FHIT: variants seen among roughly 807,000 people sequenced by gnomAD.
FHIT encodes fragile histidine triad diadenosine triphosphatase.
A neutral mutation model predicts 17.9 loss-of-function variants in FHIT; 19 were observed. The ratio of observed to expected loss-of-function variants is 1.06; its 90% CI spans 0.74 to 1.56. The LOEUF is 1.56. FHIT is among the 40% of genes most tolerant of loss of function. The probability of loss-of-function intolerance (pLI) is 0.00; values close to 1 mark genes in which losing one functional copy is unlikely to be tolerated. For synonymous variants in FHIT, 81 were observed against 69.7 expected, an observed-to-expected ratio of 1.16 and a Z score of -0.81; for missense variants, 248 against 189.2, an observed-to-expected ratio of 1.31 and a Z score of -1.82.
At chr3:61,214,750 T>A (rs371426445) in intron 1 of FHIT, among the ~76,000 whole-genome samples, 5 of 151,940 alleles carry the variant, frequency 3.3e-5, no homozygotes, top group Admixed American at 6.6e-5. Context: ...TTGATGCAAA[T>A]ATCCTCAATA....
At chr3:60,155,756 G>A (rs192577578) in intron 5 of FHIT, among the ~76,000 whole-genome samples, 2 of 152,144 alleles carry the variant, frequency 1.3e-5, no homozygotes, top group Admixed American at 6.5e-5. Flanking sequence ...AGCTTTGTTT[G>A]CTGTTTGTGA....
chr3:60,909,404 G>A (rs1011461730), intron 3 of FHIT, among the ~76,000 whole-genome samples: 29 of 150,862 alleles, frequency 1.9e-4, no homozygotes, highest in Non-Finnish European at 3.5e-4. Flanking sequence ...AATCTTAAAT[G>A]GATGGCAGCT....
chr3:60,183,048 T>A (rs1702009335), intron 5 of FHIT, among the ~76,000 whole-genome samples: 1 of 152,120 alleles, frequency 6.6e-6, no homozygotes, highest in Non-Finnish European at 1.5e-5. Context: ...CTCTCTGACA[T>A]CTTCTGAATA....
intron 4 of FHIT, among the ~76,000 whole-genome samples, chr3:60,744,246 T>TAAAAAAAAAAAAA (rs368982395): frequency 3.2e-5 from 1 of 30,932 alleles, no homozygotes; most frequent in African/African-American, 1.9e-4. Context: ...GGAAGTAATG[T>TAAAAAAAAAAAAA]AAAAAAAAAA....
chr3:60,499,592 C>T (rs1186479763), intron 5 of FHIT, among the ~76,000 whole-genome samples: 1 of 152,072 alleles, frequency 6.6e-6, no homozygotes, highest in African/African-American at 2.4e-5. Context: ...GGGGTTTCAC[C>T]GTGGCCTTGA....
intron 8 of FHIT, among the ~76,000 whole-genome samples, chr3:59,881,844 A>T (rs893053379): frequency 4.6e-5 from 7 of 152,210 alleles, no homozygotes; most frequent in Non-Finnish European, 8.8e-5. Context: ...AATTGAAATA[A>T]GATAAACCTG....
At chr3:60,968,817 T>C (rs1015525897) in intron 3 of FHIT, among the ~76,000 whole-genome samples, 4 of 152,228 alleles carry the variant, frequency 2.6e-5, no homozygotes, top group African/African-American at 9.6e-5. Flanking sequence ...TTTCCCCTTA[T>C]CTATTGAGAT....
chr3:60,547,648 A>G (rs1340548124), intron 4 of FHIT, among the ~76,000 whole-genome samples: 1 of 152,142 alleles, frequency 6.6e-6, no homozygotes, highest in Non-Finnish European at 1.5e-5. Context: ...TACCTCCTAT[A>G]AACTACCTTT....
intron 5 of FHIT, among the ~76,000 whole-genome samples, chr3:60,338,421 A>T (rs563171636): frequency 4.0e-4 from 61 of 152,282 alleles, no homozygotes; most frequent in Admixed American, 7.8e-4. Context: ...ACTCGAGTGC[A>T]GCGGCATGAT....
intron 4 of FHIT, among the ~76,000 whole-genome samples, chr3:60,564,698 C>A (rs1490518895): frequency 6.6e-6 from 1 of 152,094 alleles, no homozygotes; most frequent in Non-Finnish European, 1.5e-5. Flanking sequence ...GACTGTATTG[C>A]TGTAATCTCA....
intron 2 of FHIT, among the ~76,000 whole-genome samples, chr3:61,157,526 T>G (rs1418480756): frequency 6.6e-6 from 1 of 152,092 alleles, no homozygotes; most frequent in Non-Finnish European, 1.5e-5. Context: ...AGCATCTTAG[T>G]AAAGGGGAAT....
At chr3:60,380,004 G>A (rs1341256695) in intron 5 of FHIT, among the ~76,000 whole-genome samples, 2 of 152,128 alleles carry the variant, frequency 1.3e-5, no homozygotes, top group Non-Finnish European at 1.5e-5. Flanking sequence ...TAGACAGGAG[G>A]TTATGTGATC....
chr3:60,560,900 A>G (rs1324576295), intron 4 of FHIT, among the ~76,000 whole-genome samples: 1 of 150,096 alleles, frequency 6.7e-6, no homozygotes, highest in Non-Finnish European at 1.5e-5. Context: ...GGAAGTGAGT[A>G]GGAAGGGACA....
chr3:60,353,998 G>A (rs1299543692), intron 5 of FHIT, among the ~76,000 whole-genome samples: 4 of 152,016 alleles, frequency 2.6e-5, no homozygotes, highest in Admixed American at 2.6e-4. Flanking sequence ...AAGAAGAGAT[G>A]GCCAGAGACT....
At chr3:61,192,071 G>T (rs2038733795) in intron 2 of FHIT, among the ~76,000 whole-genome samples, 1 of 152,090 alleles carries the variant, frequency 6.6e-6, no homozygotes, top group Non-Finnish European at 1.5e-5. Flanking sequence ...TGCCATGTCT[G>T]CCTGTAGCTC....
chr3:60,310,389 C>A (rs188687053), intron 5 of FHIT, among the ~76,000 whole-genome samples: 10 of 152,158 alleles, frequency 6.6e-5, no homozygotes, highest in Non-Finnish European at 1.0e-4. Context: ...AGAAGTAGAA[C>A]AAGAATTGGG....
chr3:60,801,618 T>C (rs1157766896), intron 4 of FHIT, among the ~76,000 whole-genome samples: 1 of 152,232 alleles, frequency 6.6e-6, no homozygotes, highest in Non-Finnish European at 1.5e-5. Flanking sequence ...CATGTGACCT[T>C]ACAGACCAAG....
intron 8 of FHIT, among the ~76,000 whole-genome samples, chr3:59,774,392 T>C (rs972795): frequency 0.37 from 55,664 of 152,106 alleles, 10,664 homozygotes; most frequent in South Asian, 0.59. Context: ...ACTGGACCGA[T>C]TGACTTAAAA....
chr3:60,979,619 C>T (rs1400450732), intron 3 of FHIT, among the ~76,000 whole-genome samples: 21 of 152,144 alleles, frequency 1.4e-4, no homozygotes, highest in Admixed American at 1.4e-3. Flanking sequence ...CCTTCTGGGC[C>T]CGTCATGACT....
Sources: gnomAD v4.1 joint callset for allele counts (sites outside exome capture counted in the v4.1 genomes callset) on GRCh38, gnomAD v4.1.1 for gene constraint, MANE v1.5 for transcripts, NCBI Gene and HGNC (gene_info 2026-07-23, HGNC 2026-07-21) for gene names.